The following SPPL3 variants were observed in gnomAD, a reference collection of about 807,000 sequenced individuals.
SPPL3 encodes signal peptide peptidase like 3.
Under a neutral mutation model 42.4 loss-of-function variants are expected in SPPL3, and 5 were observed. The observed-to-expected ratio is 0.12, with a 90% CI of 0.06 to 0.25. The LOEUF is 0.25. SPPL3 is among the 10% of genes least tolerant of loss of function. SPPL3 has a pLI of 1.00. For synonymous variants in SPPL3, 195 were observed against 181.8 expected, an observed-to-expected ratio of 1.07 and a Z score of -0.58; for missense variants, 235 against 489.0, an observed-to-expected ratio of 0.48 and a Z score of 4.90.
At chr12:120,828,407 A>AG (rs1490954124) in intron 1 of SPPL3, among the ~76,000 whole-genome samples, 2 of 151,878 alleles carry the variant, frequency 1.3e-5, no homozygotes, top group Non-Finnish European at 2.9e-5. Flanking sequence ...TTTTGCCTTA[A>AG]AAAAAACTAG....
At chr12:120,803,087 C>T (rs1222302871) in intron 2 of SPPL3, among the ~76,000 whole-genome samples, 4 of 152,152 alleles carry the variant, frequency 2.6e-5, no homozygotes, top group Non-Finnish European at 4.4e-5. Flanking sequence ...AGAACAGTTG[C>T]GATTCACCTG....
chr12:120,821,843 C>T (rs1237875082), intron 1 of SPPL3, among the ~76,000 whole-genome samples: 1 of 151,980 alleles, frequency 6.6e-6, no homozygotes, highest in Admixed American at 6.6e-5. Context: ...TGGAAGTAAC[C>T]CAAGTGTCTA....
chr12:120,798,455 C>T (rs1039302), intron 2 of SPPL3, among the ~76,000 whole-genome samples: 36,455 of 152,070 alleles, frequency 0.24, 5,551 homozygotes, highest in African/African-American at 0.42. Flanking sequence ...TTTCCCCTGC[C>T]AACGCACCTG....
intron 6 of SPPL3, among the ~76,000 whole-genome samples, chr12:120,781,990 G>A (rs543465686): frequency 1.4e-4 from 21 of 152,138 alleles, no homozygotes; most frequent in African/African-American, 3.1e-4. Context: ...GGATCCTCCC[G>A]CCTCAGCCTC....
intron 1 of SPPL3, among the ~76,000 whole-genome samples, chr12:120,813,342 A>C (rs900570619): frequency 7.7e-6 from 1 of 129,408 alleles, no homozygotes; most frequent in Non-Finnish European, 1.6e-5. Flanking sequence ...TTTGAGACGG[A>C]GTTTCACTCT....
At position 120,840,018 on chromosome 12, in the gene SPPL3, T is replaced by C. The variant is rs1056429196; in HGVS notation, c.24-29132A>G. Among the ~76,000 whole-genome samples the C allele has an allele frequency of 4.6e-5, 7 of 152,194 alleles. No individual in the cohort carries two copies. The East Asian group carries it at 1.4e-3, about 29-fold the overall frequency. On this transcript the variant is annotated intron_variant, in intron 1 of 10. Coordinates refer to ENST00000353487, the MANE Select transcript of SPPL3 (RefSeq NM_139015.5). ...AAATATGGCCTAGAGTGGTGGCTCA[T>C]GCCTGTAAACCAGACACTTTGGGAG...
At chr12:120,766,846 G>A (rs1868926870) in intron 9 of SPPL3, among the ~76,000 whole-genome samples, 1 of 152,230 alleles carries the variant, frequency 6.6e-6, no homozygotes, top group African/African-American at 2.4e-5. Flanking sequence ...ATGAACTGCT[G>A]TGGGACGAGG....
intron 1 of SPPL3, among the ~76,000 whole-genome samples, chr12:120,854,961 C>T (rs879765044): frequency 6.6e-6 from 1 of 152,138 alleles, no homozygotes; most frequent in African/African-American, 2.4e-5. Flanking sequence ...TTTATAGCAC[C>T]TGCATGTAAC....
At chr12:120,829,481 A>G (rs567509588) in intron 1 of SPPL3, among the ~76,000 whole-genome samples, 1 of 152,264 alleles carries the variant, frequency 6.6e-6, no homozygotes, top group South Asian at 2.1e-4. Context: ...CTGCAGTCCC[A>G]GCTACTCTGG....
intron 6 of SPPL3, among the ~76,000 whole-genome samples, chr12:120,781,539 A>G (rs907806884): frequency 7.3e-6 from 1 of 137,556 alleles, no homozygotes; most frequent in African/African-American, 2.9e-5. Context: ...GTCTAATCCC[A>G]TCTCCTTATT....
At chr12:120,867,349 G>C (rs1472422693) in intron 1 of SPPL3, among the ~76,000 whole-genome samples, 1 of 152,126 alleles carries the variant, frequency 6.6e-6, no homozygotes, top group East Asian at 1.9e-4. Context: ...TTGACATTAA[G>C]AACTACAAAG....
intron 9 of SPPL3, among the ~76,000 whole-genome samples, chr12:120,766,686 T>TCA (rs1023896908): frequency 6.6e-6 from 1 of 152,178 alleles, no homozygotes; most frequent in Non-Finnish European, 1.5e-5. Flanking sequence ...AGACCTGGGT[T>TCA]CAAGTTCCAA....
intron 1 of SPPL3, among the ~76,000 whole-genome samples, chr12:120,879,879 C>T (rs1207984372): frequency 6.6e-6 from 1 of 151,904 alleles, no homozygotes; most frequent in South Asian, 2.1e-4. Flanking sequence ...CAGAGTTTAA[C>T]AATGTGCCTC....
intron 1 of SPPL3, among the ~76,000 whole-genome samples, chr12:120,832,354 A>G (rs1156678891): frequency 2.6e-5 from 4 of 152,204 alleles, no homozygotes; most frequent in African/African-American, 4.8e-5. Context: ...AGAAAAATAC[A>G]GGTGTGCCAC....
At chr12:120,789,398 CA>C (rs971767749) in intron 3 of SPPL3, among the ~76,000 whole-genome samples, 4 of 127,278 alleles carry the variant, frequency 3.1e-5, no homozygotes, top group South Asian at 2.7e-4. Flanking sequence ...AGGATGCAGT[CA>C]GCAGAGACTG....
chr12:120,875,011 G>A (rs902444864), intron 1 of SPPL3, among the ~76,000 whole-genome samples: 3 of 152,116 alleles, frequency 2.0e-5, no homozygotes. Flanking sequence ...CACGGGTTCC[G>A]GCCAACAGAC....
intron 1 of SPPL3, among the ~76,000 whole-genome samples, chr12:120,894,899 A>G (rs967013161): frequency 6.6e-6 from 1 of 152,190 alleles, no homozygotes; most frequent in Non-Finnish European, 1.5e-5. Flanking sequence ...GTGAGCTGAG[A>G]TCGTGCCACC....
At chr12:120,775,972 G>A (rs949218616) in intron 6 of SPPL3, among the ~76,000 whole-genome samples, 4 of 152,000 alleles carry the variant, frequency 2.6e-5, no homozygotes, top group Non-Finnish European at 4.4e-5. Flanking sequence ...AAGTCTGAAA[G>A]ATAATATTCA....
chr12:120,769,962 A>G (rs183090207), intron 6 of SPPL3: 9 of 145,236 alleles, frequency 6.2e-5, no homozygotes, highest in African/African-American at 2.3e-4. Flanking sequence ...TTTTCACCTC[A>G]TTTAATCAAA....
Sources: allele counts gnomAD v4.1 joint callset (sites outside exome capture counted in the v4.1 genomes callset), GRCh38; gene constraint gnomAD v4.1.1; transcripts MANE v1.5; gene names NCBI Gene and HGNC (gene_info 2026-07-23, HGNC 2026-07-21).